The following BICDL2 variants were observed in gnomAD, a reference collection of about 807,000 sequenced individuals.
BICDL2 encodes BICD family like cargo adaptor 2.
A neutral mutation model predicts 56.6 loss-of-function variants in BICDL2; 62 were observed. The ratio of observed to expected loss-of-function variants is 1.10; its 90% CI spans 0.89 to 1.35. BICDL2 has a LOEUF of 1.35. Among genes scored for constraint, BICDL2 ranks in the 40% most tolerant of loss-of-function variants. The pLI is 0.00. For missense variants in BICDL2, 808 were observed against 684.5 expected, an observed-to-expected ratio of 1.18 and a Z score of -2.01; for synonymous variants, 358 against 319.8, an observed-to-expected ratio of 1.12 and a Z score of -1.27.
Position 3,028,039 on chromosome 16 carries a change from C to A in BICDL2, c.*67G>T. 7.2e-7 allele frequency: 1 copy of A among 1,388,084 alleles called. No individual in the cohort carries two copies. Among genetic ancestry groups the A allele is most frequent in the Non-Finnish European group, 9.3e-7 (1 of 1,073,016 alleles). 86.0% of individuals were successfully genotyped at this position (1,388,084 alleles called of 1,614,324 possible). A position where few individuals can be genotyped will look rare whatever the true frequency, so the allele number is the denominator to read the frequency against. ...TTTTGGAAGACAATCTGGGCCCTGTCGCTCCATTGGCCTGAAGAGGAAAGT... is the reference window on the plus strand; with the variant it reads ...TTTTGGAAGACAATCTGGGCCCTGTAGCTCCATTGGCCTGAAGAGGAAAGT... On this transcript the variant is annotated 3_prime_UTR_variant, in exon 10 of 10. Coordinates refer to ENST00000572449, the MANE Select transcript of BICDL2 (RefSeq NM_001369667.1).
chr16:3,032,870 G>C (rs1276131392), intron 2 of BICDL2: 2 of 152,166 alleles, frequency 1.3e-5, no homozygotes, highest in East Asian at 3.8e-4. Flanking sequence ...CCAGTTCTCT[G>C]GGACTTTTAG....
At chr16:3,036,698 G>GCCCCCCGAC in intron 1 of BICDL2, 196 bp downstream of exon 1, 1 of 447,970 alleles carries the variant, frequency 2.2e-6, no homozygotes, top group African/African-American at 2.0e-5. Context: ...GGGGCCTCCA[G>GCCCCCCGAC]CCCCAGGCGT....
At chr16:3,029,811 G>A in intron 5 of BICDL2, 72 bp from the exon 6 acceptor site, 1 of 1,314,876 alleles carries the variant, frequency 7.6e-7, no homozygotes, top group Non-Finnish European at 1.0e-6. Context: ...CCCGCGGCAG[G>A]TCCACACGGG....
At chr16:3,031,881 C>A in intron 2 of BICDL2, 1 of 231,910 alleles carries the variant, frequency 4.3e-6, no homozygotes, top group East Asian at 8.3e-5. Context: ...TCAAGAGTTG[C>A]TAAGTGCCTT....
chr16:3,030,289 A>G (rs999633417), intron 5 of BICDL2, 160 bp downstream of exon 5: 30 of 884,706 alleles, frequency 3.4e-5, no homozygotes, highest in Non-Finnish European at 4.4e-5. Flanking sequence ...CCTGCTCAAC[A>G]GCCTTCCGTG....
At chr16:3,030,225 C>T (rs1596482149) in intron 5 of BICDL2, 1 of 589,648 alleles carries the variant, frequency 1.7e-6, no homozygotes, top group East Asian at 3.0e-5. Context: ...GGCACCAGCC[C>T]CCTCCCTGCT....
intron 2 of BICDL2, among the ~76,000 whole-genome samples, chr16:3,033,179 C>T (rs1479708236): frequency 6.6e-6 from 1 of 152,116 alleles, no homozygotes; most frequent in East Asian, 1.9e-4. Flanking sequence ...GTGGCGCACA[C>T]CTGGAATCCC....
intron 2 of BICDL2, among the ~76,000 whole-genome samples, chr16:3,034,309 C>G (rs897785646): frequency 6.6e-6 from 1 of 152,154 alleles, no homozygotes; most frequent in Admixed American, 6.5e-5. Flanking sequence ...GATGCAGTCT[C>G]GCTCTGTCAC....
Position 3,028,156 on chromosome 16 carries a change from C to T in BICDL2, c.1477G>A (p.Gly493Ser). Reference sequence around the variant, plus strand: ...AGAAAGCCACCGGCGGGCCCGGGGCCCAGGCGCAGCGAGAAGCGGGGCGCG... The same window carrying T: ...AGAAAGCCACCGGCGGGCCCGGGGCTCAGGCGCAGCGAGAAGCGGGGCGCG... ...RAAPRFSLRL[G>S]PGPAGGFLSN... Residue 493 changes from glycine to serine, a missense_variant, in exon 10 of 10, where the codon GGC (glycine) becomes AGC (serine). Coordinates refer to ENST00000572449, the MANE Select transcript of BICDL2 (RefSeq NM_001369667.1). 1 of 1,445,166 alleles carries T rather than the reference C, an allele frequency of 6.9e-7. No individual in the cohort carries two copies. Among genetic ancestry groups the T allele is most frequent in the Non-Finnish European group, 9.0e-7 (1 of 1,107,128 alleles). 89.5% of individuals were successfully genotyped at this position (1,445,166 alleles called of 1,614,324 possible).
In BICDL2 at chr16:3,035,780, C is replaced by G. The variant is rs1596485742; in HGVS notation, c.-30-254G>C. 4 of 490,598 alleles carry G rather than the reference C, an allele frequency of 8.2e-6. No homozygotes were observed. The East Asian group carries it at 1.4e-4, about 17-fold the overall frequency. The allele number at this position is 490,598 out of a possible 1,614,324, so 30.4% of individuals were successfully genotyped here. On this transcript the variant is annotated intron_variant, in intron 1 of 9. Coordinates refer to ENST00000572449, the MANE Select transcript of BICDL2 (RefSeq NM_001369667.1). The stretch of plus-strand genomic sequence containing the variant: ...CAGACAATCTCTGTCCCCAGGAAAG[C>G]TCATTCCAGTGCTCCAGGGCCACAG...
intron 2 of BICDL2, 27 bp downstream of exon 2, chr16:3,035,188 C>A (rs761556951): frequency 8.4e-6 from 2 of 239,108 alleles, no homozygotes; most frequent in South Asian, 3.9e-5. Flanking sequence ...CCCACCCACC[C>A]ACCCACCCCG....
At chr16:3,036,567 G>A (rs756273343) in intron 1 of BICDL2, 4 of 450,404 alleles carry the variant, frequency 8.9e-6, no homozygotes, top group Non-Finnish European at 1.8e-5. Context: ...CCCCCAGGCC[G>A]CTCCCGGGGA....
At position 3,029,274 on chromosome 16, in the gene BICDL2, C is replaced by T. The variant is rs1274799316; in HGVS notation, c.1107+6G>A. ...CGTGCATCCAGCACCGTGCCCTCTG[C>T]CCCACCTCATCTTGCAGCTTGGCCA... On this transcript the variant is annotated splice_donor_region_variant and intron_variant, in intron 7 of 9. Coordinates refer to ENST00000572449, the MANE Select transcript of BICDL2 (RefSeq NM_001369667.1). The T allele has an allele frequency of 1.9e-6, 3 of 1,609,352 alleles. No individual in the cohort carries two copies. Among genetic ancestry groups the T allele is most frequent in the Non-Finnish European group, 8.5e-7 (1 of 1,178,606 alleles).
Position 3,028,159 on chromosome 16 carries a change from G to A in BICDL2, c.1474C>T (p.Leu492=). 6.9e-7 allele frequency: 1 copy of A among 1,446,862 alleles called. No individual in the cohort carries two copies. Among genetic ancestry groups the A allele is most frequent in the Non-Finnish European group, 9.0e-7 (1 of 1,108,020 alleles). The allele number at this position is 1,446,862 out of a possible 1,614,324, so 89.6% of individuals were successfully genotyped here. A position where few individuals can be genotyped will look rare whatever the true frequency, so the allele number is the denominator to read the frequency against. ...AAGCCACCGGCGGGCCCGGGGCCCA[G>A]GCGCAGCGAGAAGCGGGGCGCGGCA... ...RRAAPRFSLR[L]GPGPAGGFLS... Residue 492 remains leucine (L), a synonymous_variant, in exon 10 of 10, where the codon CTG becomes TTG. Transcript: ENST00000572449.
At position 3,027,892 on chromosome 16, in the gene BICDL2, T is replaced by C; in HGVS notation, c.*214A>G. 1 of 831,922 alleles carries C rather than the reference T, an allele frequency of 1.2e-6. No individual in the cohort carries two copies. The highest frequency in any genetic ancestry group is 3.0e-5 in the East Asian group (1 of 32,970). 51.5% of individuals were successfully genotyped at this position (831,922 alleles called of 1,614,324 possible). ...TATATTAATTCGGAAAATAGCTCTGTTCACCTGCCCCTGCCACCCACCTGG... is the reference window on the plus strand; with the variant it reads ...TATATTAATTCGGAAAATAGCTCTGCTCACCTGCCCCTGCCACCCACCTGG... On this transcript the variant is annotated 3_prime_UTR_variant, in exon 10 of 10. Coordinates refer to ENST00000572449, the MANE Select transcript of BICDL2 (RefSeq NM_001369667.1).
At position 3,030,536 on chromosome 16, in the gene BICDL2, C is replaced by CT. The variant is rs1351364671; in HGVS notation, c.674dup (p.Glu226GlyfsTer6). The CT allele has an allele frequency of 4.4e-6, 7 of 1,600,894 alleles. No homozygotes were observed. The highest frequency in any genetic ancestry group is 4.2e-6 in the Non-Finnish European group (5 of 1,177,966). On this transcript the variant is annotated frameshift_variant, in exon 5 of 10. Transcript: ENST00000572449. LOFTEE classifies it high-confidence loss of function. ...GTCTGCCCTCACCCTTCTCCACCTCCTCACGCAGGCCTCGGATCTGGGCCT... is the reference window on the plus strand; with the variant it reads ...GTCTGCCCTCACCCTTCTCCACCTCCTTCACGCAGGCCTCGGATCTGGGCCT...
intron 8 of BICDL2, 101 bp from the exon 9 acceptor site, chr16:3,028,569 C>A (rs1245420523): frequency 1.0e-5 from 16 of 1,530,288 alleles, no homozygotes; most frequent in Non-Finnish European, 1.3e-5. Flanking sequence ...GGGCTGCAAA[C>A]ACCTAGATCA....
At chr16:3,031,414 AGCTGCTGCCGGG>A in intron 2 of BICDL2, 1 of 547,146 alleles carries the variant, frequency 1.8e-6, no homozygotes, top group South Asian at 2.7e-5. Context: ...ACTCACCTCC[AGCTGCTGCCGGG>A]GCTTCTGGAC....
rs1955646270 is a variant in BICDL2, at chr16:3,031,038, AG to A, written c.394del (p.Glu134SerfsTer62). 6.5e-7 allele frequency: 1 copy of A among 1,542,992 alleles called. No homozygotes were observed. Among genetic ancestry groups the A allele is most frequent in the Non-Finnish European group, 8.7e-7 (1 of 1,149,984 alleles). On this transcript the variant is annotated frameshift_variant, in exon 3 of 10. Coordinates refer to ENST00000572449, the MANE Select transcript of BICDL2 (RefSeq NM_001369667.1). LOFTEE classifies it high-confidence loss of function. ...EGDVEALRAQ[L>X]GEQRSEQQDS... ...CTGCTGCTCTGAGCGCTGCTCCCCA[AG>A]CTGGGCCCGCAGGGCCTCCACGTCC...
Sources: gnomAD v4.1 joint callset for allele counts (sites outside exome capture counted in the v4.1 genomes callset) on GRCh38, gnomAD v4.1.1 for gene constraint, MANE v1.5 for transcripts, NCBI Gene and HGNC (gene_info 2026-07-23, HGNC 2026-07-21) for gene names.